Variants in PDE12 observed in about 807,000 individuals in gnomAD.
PDE12 encodes 2',5'-phosphodiesterase 12.
A neutral mutation model predicts 45.4 loss-of-function variants in PDE12; 26 were observed. The ratio of observed to expected loss-of-function variants is 0.57; its 90% CI spans 0.42 to 0.79. The LOEUF (loss-of-function observed/expected upper bound fraction) is 0.79. Among genes scored for constraint, PDE12 ranks in the 30% least tolerant of loss-of-function variants. PDE12 has a pLI of 0.00. For synonymous variants in PDE12, 283 were observed against 323.9 expected (o/e 0.87, Z 1.36); for missense variants, 668 against 790.0 (o/e 0.85, Z 1.85).
chr3:57,642,888 C>A, the PDE12 span, among the ~76,000 whole-genome samples: 1 of 152,038 alleles, frequency 6.6e-6, no homozygotes, highest in African/African-American at 2.4e-5. Context: ...CGCCTGTAAT[C>A]CCAGCTACTG....
the PDE12 span, among the ~76,000 whole-genome samples, chr3:57,653,922 G>GA: frequency 7.0e-6 from 1 of 142,558 alleles, no homozygotes; most frequent in East Asian, 2.0e-4. Flanking sequence ...CATGCCTTGG[G>GA]AAAATAATTA....
chr3:57,607,773 G>A, the PDE12 span, among the ~76,000 whole-genome samples: 1 of 152,156 alleles, frequency 6.6e-6, no homozygotes, highest in Admixed American at 6.5e-5. Context: ...ACCTGAAAGT[G>A]ATGGGGAGAA....
the PDE12 span, chr3:57,596,689 T>G: frequency 4.7e-6 from 1 of 214,178 alleles, no homozygotes; most frequent in African/African-American, 2.4e-5. Context: ...GCCTCCCTCC[T>G]GACCGCTGTC....
the PDE12 span, among the ~76,000 whole-genome samples, chr3:57,636,542 CAA>C: frequency 6.6e-6 from 1 of 152,068 alleles, no homozygotes; most frequent in Non-Finnish European, 1.5e-5. Context: ...GAATTATGAA[CAA>C]GATACTACGG....
At chr3:57,631,007 G>C in the PDE12 span, 1 of 1,601,930 alleles carries the variant, frequency 6.2e-7, no homozygotes, top group Non-Finnish European at 8.5e-7. Flanking sequence ...TTAATAAAAG[G>C]AGTGTCTTCA....
the PDE12 span, chr3:57,597,809 A>C: frequency 6.6e-6 from 1 of 152,380 alleles, no homozygotes; most frequent in Admixed American, 6.5e-5. Flanking sequence ...CCCTGATGCC[A>C]TGAACTTACA....
chr3:57,642,417 C>T, the PDE12 span, among the ~76,000 whole-genome samples: 4 of 150,832 alleles, frequency 2.7e-5, no homozygotes, highest in Admixed American at 2.6e-4. Flanking sequence ...TACAGGAAGA[C>T]GTGAAAGATG....
chr3:57,587,777 A>G, the PDE12 span, among the ~76,000 whole-genome samples: 1 of 152,168 alleles, frequency 6.6e-6, no homozygotes, highest in African/African-American at 2.4e-5. Flanking sequence ...ATGCGCCCAT[A>G]ATGACTTTTA....
At chr3:57,570,991 GTTGTT>G (rs933598155), downstream of PDE12, among the ~76,000 whole-genome samples, 12 of 146,642 alleles carry the variant, frequency 8.2e-5, no homozygotes, top group East Asian at 8.1e-4. Flanking sequence ...TTTTGTTGTT[GTTGTT>G]TTGTTTTTAG....
In PDE12 at chr3:57,557,541, A is replaced by C; in HGVS notation, c.1162A>C (p.Lys388Gln). Residue 388 changes from lysine to glutamine, a missense_variant, in exon 1 of 3, where the codon AAG becomes CAG. Lys to Gln is a moderately conservative substitution (Grantham distance 53). Around this residue, in one of 3 missense-constraint regions of PDE12, gnomAD observed 580 missense variants for 662.9 expected, o/e 0.87. Transcript: ENST00000311180. Reference protein sequence around the residue: ...QHEGLATFYRKSKFSLLSQHD... With the variant: ...QHEGLATFYRQSKFSLLSQHD... ...CGAAGGCCTGGCCACTTTCTACCGA[A>C]AGTCTAAGTTCAGCCTTCTTAGCCA... 1 of 1,614,048 alleles carries C rather than the reference A, an allele frequency of 6.2e-7. No homozygotes were observed. Among genetic ancestry groups the C allele is most frequent in the Non-Finnish European group, 8.5e-7 (1 of 1,179,996 alleles).
At position 57,557,659 on chromosome 3, in the gene PDE12, A is replaced by G. The variant is rs2069681457; in HGVS notation, c.1280A>G (p.Lys427Arg). Residue 427 changes from lysine (K) to arginine (R), a missense_variant, in exon 1 of 3, where the codon AAG (lysine) becomes AGG (arginine). This residue lies in a region of PDE12 where 580 missense variants were observed against 662.9 expected (regional missense o/e 0.87). Coordinates refer to ENST00000311180, the MANE Select transcript of PDE12 (RefSeq NM_177966.7). ...GTTTTGTACCCATCAGCGCAGGAGAAGGTGCTCCAGAGATCTTCTGTTCTT... is the reference window on the plus strand; with the variant it reads ...GTTTTGTACCCATCAGCGCAGGAGAGGGTGCTCCAGAGATCTTCTGTTCTT... ...KLVLYPSAQE[K>R]VLQRSSVLQV... 2.5e-6 allele frequency: 4 copies of G among 1,614,030 alleles called. No individual in the cohort carries two copies. The highest frequency in any genetic ancestry group is 3.4e-6 in the Non-Finnish European group (4 of 1,179,956).
chr3:57,627,395 T>A, the PDE12 span: 1 of 152,130 alleles, frequency 6.6e-6, no homozygotes, highest in East Asian at 1.9e-4. Context: ...CTGTCCACCT[T>A]GGCCTCCCAA....
At chr3:57,644,846 CA>C in the PDE12 span, among the ~76,000 whole-genome samples, 1 of 137,210 alleles carries the variant, frequency 7.3e-6, no homozygotes, top group South Asian at 2.5e-4. Context: ...AAAGGAAAAA[CA>C]GGGCAATGAT....
chr3:57,571,573 C>T (rs954835022), downstream of PDE12: 5 of 152,586 alleles, frequency 3.3e-5, no homozygotes, highest in Non-Finnish European at 7.3e-5. Flanking sequence ...TAAAGGAAGA[C>T]AATCTGCTGA....
At chr3:57,584,472 A>G in the PDE12 span, 1 of 1,608,200 alleles carries the variant, frequency 6.2e-7, no homozygotes, top group South Asian at 1.1e-5. Context: ...CAACTAGAAG[A>G]AGACATTATA....
At chr3:57,574,769 G>A in the PDE12 span, among the ~76,000 whole-genome samples, 2 of 152,094 alleles carry the variant, frequency 1.3e-5, no homozygotes, top group East Asian at 1.9e-4. Context: ...GAATCCCAGC[G>A]CTTTGGTAGG....
the PDE12 span, chr3:57,584,530 T>C: frequency 2.9e-6 from 4 of 1,368,722 alleles, no homozygotes; most frequent in South Asian, 3.7e-5. Flanking sequence ...AATTTTACAA[T>C]AAATTTATAG....
At chr3:57,623,073 C>T in the PDE12 span, among the ~76,000 whole-genome samples, 4 of 152,096 alleles carry the variant, frequency 2.6e-5, no homozygotes, top group Non-Finnish European at 4.4e-5. Flanking sequence ...ATATGTTCAG[C>T]TTATTGTATG....
chr3:57,595,158 A>G, the PDE12 span, among the ~76,000 whole-genome samples: 2 of 152,178 alleles, frequency 1.3e-5, no homozygotes, highest in Non-Finnish European at 2.9e-5. Flanking sequence ...CCAATATAGT[A>G]AATATATGAA....
Sources: gnomAD v4.1 joint callset for allele counts (sites outside exome capture counted in the v4.1 genomes callset) on GRCh38, gnomAD v4.1.1 for gene constraint, gnomAD v4.1.1 regional missense constraint, MANE v1.5 for transcripts, NCBI Gene and HGNC (gene_info 2026-07-23, HGNC 2026-07-21) for gene names.